ODAPH: variants seen among roughly 807,000 people sequenced by gnomAD.
ODAPH encodes the protein amelogenesis imperfecta type IIA4.
A neutral mutation model predicts 2.8 loss-of-function variants in ODAPH; 2 were observed. The observed-to-expected ratio is 0.72, with a 90% CI of 0.30 to 2.28. ODAPH has a LOEUF of 2.28. Among genes scored for constraint, ODAPH ranks in the 30% most tolerant of loss-of-function variants. The pLI is 0.13. For synonymous variants in ODAPH, 75 were observed against 60.3 expected (o/e 1.24, Z -1.13); for missense variants, 159 against 163.3 (o/e 0.97, Z 0.14).
chr4:75,561,922 T>C (rs1000530658), intron 1 of ODAPH, among the ~76,000 whole-genome samples: 1 of 152,206 alleles, frequency 6.6e-6, no homozygotes. Context: ...GGTCTCTTCC[T>C]CTGTCCCGGA....
chr4:75,556,238 A>G, intron 1 of ODAPH, 89 bp downstream of exon 1: 1 of 1,278,526 alleles, frequency 7.8e-7, no homozygotes, highest in Non-Finnish European at 1.1e-6. Flanking sequence ...ATACGTTCCC[A>G]TAAATTGGAA....
chr4:75,563,372 G>A (rs1474847150), intron 1 of ODAPH: 1 of 153,810 alleles, frequency 6.5e-6, no homozygotes, highest in Non-Finnish European at 1.5e-5. Context: ...TTTTACATAT[G>A]GGTACATATA....
intron 1 of ODAPH, among the ~76,000 whole-genome samples, chr4:75,561,223 C>CAAAAAACAAAAAAAAAAAAAAA (rs760206306): frequency 6.4e-5 from 4 of 62,688 alleles, no homozygotes; most frequent in African/African-American, 2.4e-4. Context: ...AACTCAATCT[C>CAAAAAACAAAAAAAAAAAAAAA]AAAAAAAAAA....
intron 1 of ODAPH, among the ~76,000 whole-genome samples, chr4:75,557,780 C>T (rs1727397742): frequency 6.6e-6 from 1 of 152,248 alleles, no homozygotes; most frequent in Non-Finnish European, 1.5e-5. Flanking sequence ...CGTTCACACA[C>T]ACCCTGGGTC....
chr4:75,556,486 G>A (rs2148839730), intron 1 of ODAPH: 1 of 1,440,064 alleles, frequency 6.9e-7, no homozygotes, highest in South Asian at 1.2e-5. Flanking sequence ...TAAAAACACT[G>A]TACAAATACT....
downstream of ODAPH, chr4:75,565,336 T>G (rs1267537932): frequency 1.3e-5 from 2 of 152,214 alleles, no homozygotes; most frequent in Non-Finnish European, 2.9e-5. Context: ...CTAAATTTAC[T>G]TTAATGTTGA....
chr4:75,564,097 C>G lies in ODAPH; in HGVS notation c.68-17C>G, dbSNP rs375850488. ...GTTACCAGACCTGTTTCCTGACTTG[C>G]GTTTTCCTCTCCACAGGACAAGAAG... is the stretch of plus-strand genomic sequence containing the variant. On this transcript the variant is annotated splice_polypyrimidine_tract_variant and intron_variant, in intron 1 of 1. Transcript: ENST00000311623. 8.7e-6 allele frequency: 14 copies of G among 1,613,494 alleles called. No individual in the cohort carries two copies. The South Asian group carries it at 1.4e-4, about 16-fold the overall frequency.
Position 75,557,902 on chromosome 4 carries a change from G to A in ODAPH, c.67+1753G>A, listed in dbSNP as rs151029016. ...TTTCACCTCTGTTTGTTGCAGTTCC[G>A]CTTTAAGGCACAACATTTAAATGCC... On this transcript the variant is annotated intron_variant, in intron 1 of 1. Coordinates refer to ENST00000311623, the MANE Select transcript of ODAPH (RefSeq NM_178497.5). 3.4e-3 allele frequency among the ~76,000 whole-genome samples: 524 copies of A among 152,284 alleles called. 3 individuals are homozygous for A. Among genetic ancestry groups the A allele is most frequent in the African/African-American group, 0.011 (471 of 41,554 alleles).
chr4:75,556,769 A>G (rs1727353126), intron 1 of ODAPH, among the ~76,000 whole-genome samples: 1 of 152,144 alleles, frequency 6.6e-6, no homozygotes, highest in African/African-American at 2.4e-5. Flanking sequence ...TTGGTTTGCA[A>G]ACCCCTAGGA....
At chr4:75,558,755 G>C (rs1363051193) in intron 1 of ODAPH, among the ~76,000 whole-genome samples, 2 of 152,142 alleles carry the variant, frequency 1.3e-5, no homozygotes, top group Non-Finnish European at 2.9e-5. Flanking sequence ...GTGTGCAGTG[G>C]CACTATCTCA....
chr4:75,560,941 G>T (rs1485352845), intron 1 of ODAPH, among the ~76,000 whole-genome samples: 1 of 152,216 alleles, frequency 6.6e-6, no homozygotes, highest in Non-Finnish European at 1.5e-5. Flanking sequence ...TAGCTTGGCC[G>T]GGCGTGGTGG....
intron 1 of ODAPH, chr4:75,556,434 C>T: frequency 1.1e-6 from 1 of 926,316 alleles, no homozygotes; most frequent in Non-Finnish European, 1.7e-6. Flanking sequence ...ATGGGGTTTG[C>T]AAGGACCAAA....
Position 75,564,463 on chromosome 4 carries a change from C to T in ODAPH, c.*24C>T. ...GAGAGGGAAGAGAAACCCAAACATA[C>T]TGAAGCAAAAAAAAGCCTATCCTTC... is the stretch of plus-strand genomic sequence containing the variant. On this transcript the variant is annotated 3_prime_UTR_variant, in exon 2 of 2. Coordinates refer to ENST00000311623, the MANE Select transcript of ODAPH (RefSeq NM_178497.5). 4 of 1,613,676 alleles carry T rather than the reference C, an allele frequency of 2.5e-6. No individual in the cohort carries two copies. The highest frequency in any genetic ancestry group is 3.4e-6 in the Non-Finnish European group (4 of 1,179,934).
chr4:75,558,584 T>G (rs1486009041), intron 1 of ODAPH, among the ~76,000 whole-genome samples: 3 of 152,222 alleles, frequency 2.0e-5, no homozygotes, highest in African/African-American at 2.4e-5. Context: ...GTTGTTGGTA[T>G]GCTGTGAATT....
chr4:75,556,493 T>G, intron 1 of ODAPH: 1 of 1,464,492 alleles, frequency 6.8e-7, no homozygotes, highest in Non-Finnish European at 9.2e-7. Context: ...ACTGTACAAA[T>G]ACTAGTTATT....
At chr4:75,556,544 T>G in intron 1 of ODAPH, 1 of 1,534,906 alleles carries the variant, frequency 6.5e-7, no homozygotes. Flanking sequence ...ATTACAGCAC[T>G]GTCCACTTTC....
In ODAPH at chr4:75,564,027, C is replaced by T. The variant is rs1230024611; in HGVS notation, c.68-87C>T. 6.9e-6 allele frequency: 8 copies of T among 1,162,580 alleles called. No homozygotes were observed. The Admixed American group carries it at 1.5e-4, about 22-fold the overall frequency. 72.0% of individuals were successfully genotyped at this position (1,162,580 alleles called of 1,614,324 possible). ...TTGAGATTTCTCTAATTCTCTCTTCCCATCTTTCTCCTCTGCCACCACTCT... is the reference window on the plus strand; with the variant it reads ...TTGAGATTTCTCTAATTCTCTCTTCTCATCTTTCTCCTCTGCCACCACTCT... On this transcript the variant is annotated intron_variant, in intron 1 of 1. Coordinates refer to ENST00000311623, the MANE Select transcript of ODAPH (RefSeq NM_178497.5).
At chr4:75,562,306 T>A (rs1410732725) in intron 1 of ODAPH, among the ~76,000 whole-genome samples, 4 of 151,164 alleles carry the variant, frequency 2.6e-5, no homozygotes, top group Admixed American at 1.3e-4. Flanking sequence ...CCTTTATAAG[T>A]GCCTCAGCAC....
At chr4:75,563,778 T>C (rs1210287617) in intron 1 of ODAPH, among the ~76,000 whole-genome samples, 2 of 152,250 alleles carry the variant, frequency 1.3e-5, no homozygotes, top group Non-Finnish European at 2.9e-5. Context: ...TATTTCATTG[T>C]ATGAATATAC....
Sources: allele counts gnomAD v4.1 joint callset (sites outside exome capture counted in the v4.1 genomes callset), GRCh38; gene constraint gnomAD v4.1.1; transcripts MANE v1.5; gene names NCBI Gene and HGNC (gene_info 2026-07-23, HGNC 2026-07-21).